SYT16: variants seen among roughly 807,000 people sequenced by gnomAD.
SYT16 encodes synaptotagmin 16.
In SYT16, 42 loss-of-function variants were observed where a neutral mutation model predicts 61.4. The observed-to-expected ratio is 0.68, with a 90% CI of 0.53 to 0.89. The LOEUF (loss-of-function observed/expected upper bound fraction) is 0.89, where lower values mean the gene tolerates loss of function less well. Ranked by LOEUF, SYT16 falls within the 40% of genes least tolerant of loss-of-function variation. SYT16 has a pLI of 0.00. For missense variants in SYT16, 804 were observed against 807.3 expected (o/e 1.00, Z 0.05); for synonymous variants, 314 against 302.3 (o/e 1.04, Z -0.40).
chr14:61,868,479 C>T (rs1393059369), intron 1 of SYT16, among the ~76,000 whole-genome samples: 2 of 151,822 alleles, frequency 1.3e-5, no homozygotes, highest in African/African-American at 4.8e-5. Context: ...ACTTTTGCTG[C>T]ATTGCATTCA....
intron 1 of SYT16, among the ~76,000 whole-genome samples, chr14:61,918,472 T>C (rs924577429): frequency 7.9e-5 from 12 of 152,096 alleles, no homozygotes; most frequent in Non-Finnish European, 2.9e-5. Flanking sequence ...TAAAGCCAAA[T>C]GTCCAGTGAT....
At chr14:61,932,685 A>G (rs1162466601) in intron 1 of SYT16, among the ~76,000 whole-genome samples, 1 of 152,206 alleles carries the variant, frequency 6.6e-6, no homozygotes, top group Non-Finnish European at 1.5e-5. Flanking sequence ...AAACCATATC[A>G]GAGTCTGAAA....
intron 1 of SYT16, among the ~76,000 whole-genome samples, chr14:61,954,387 G>A (rs772449512): frequency 6.7e-6 from 1 of 149,532 alleles, no homozygotes; most frequent in Non-Finnish European, 1.5e-5. Flanking sequence ...ACATGCTGAA[G>A]CATCTCTATT....
chr14:62,100,564 C>G lies in SYT16; in HGVS notation c.1795C>G (p.Arg599Gly), dbSNP rs777278498. Residue 599 changes from arginine to glycine, a missense_variant, in exon 8 of 8, where the codon CGT (arginine) becomes GGT (glycine). Physicochemically the swap from Arg to Gly is moderately radical, Grantham distance 125. Transcript: ENST00000683842. ...GTTGATGATTTCCGTTTATAACAGG[C>G]GTACTATGAAGCGTAAAGAGATGAT... ...VTLMISVYNR[R>G]TMKRKEMIGW... 1.2e-6 allele frequency: 2 copies of G among 1,613,610 alleles called. No individual in the cohort carries two copies. Among genetic ancestry groups the G allele is most frequent in the African/African-American group, 2.7e-5 (2 of 74,886 alleles).
intron 5 of SYT16, among the ~76,000 whole-genome samples, chr14:62,078,172 A>AACAC (rs144022896): frequency 0.011 from 1,459 of 128,816 alleles, 13 homozygotes; most frequent in African/African-American, 0.02. Flanking sequence ...TATATATATA[A>AACAC]ACACACACAC....
chr14:61,926,807 G>A (rs1204735686), intron 1 of SYT16, among the ~76,000 whole-genome samples: 1 of 152,178 alleles, frequency 6.6e-6, no homozygotes, highest in Non-Finnish European at 1.5e-5. Flanking sequence ...CACCCTGCCA[G>A]TAGAGGGTTC....
intron 1 of SYT16, among the ~76,000 whole-genome samples, chr14:61,861,156 A>G (rs1416961130): frequency 6.6e-6 from 1 of 152,070 alleles, no homozygotes; most frequent in Non-Finnish European, 1.5e-5. Context: ...ACTGGGAGGG[A>G]ATCTGAATTA....
rs529758498 is a variant in SYT16 at position 62,100,563 on chromosome 14, G to A, written c.1794G>A (p.Arg598=). The part of the protein sequence containing the change: ...DVTLMISVYN[R]RTMKRKEMIG... ...CGTTGATGATTTCCGTTTATAACAG[G>A]CGTACTATGAAGCGTAAAGAGATGA... The change falls in exon 8 of 8, where the codon AGG becomes AGA. Residue 598 remains arginine (R), a synonymous_variant. Coordinates refer to ENST00000683842, the MANE Select transcript of SYT16 (RefSeq NM_001367656.1). The A allele has an allele frequency of 1.2e-6, 2 of 1,613,808 alleles. No individual in the cohort carries two copies. Among genetic ancestry groups the A allele is most frequent in the South Asian group, 1.1e-5 (1 of 91,074 alleles).
intron 1 of SYT16, among the ~76,000 whole-genome samples, chr14:61,891,564 C>T (rs2048132499): frequency 6.6e-6 from 1 of 152,160 alleles, no homozygotes; most frequent in African/African-American, 2.4e-5. Context: ...GGACCAACAG[C>T]TGGGACCCTT....
chr14:62,052,718 G>A, intron 3 of SYT16, among the ~76,000 whole-genome samples: 1 of 152,166 alleles, frequency 6.6e-6, no homozygotes, highest in Non-Finnish European at 1.5e-5. Context: ...CCTCATGAGT[G>A]GGATTAGTGC....
At chr14:62,013,150 C>T (rs990503020) in intron 3 of SYT16, among the ~76,000 whole-genome samples, 3 of 152,014 alleles carry the variant, frequency 2.0e-5, no homozygotes, top group Non-Finnish European at 4.4e-5. Context: ...GAGGTATATC[C>T]AGAGTGGTGG....
At chr14:62,092,128 A>G (rs2057098777) in intron 7 of SYT16, among the ~76,000 whole-genome samples, 3 of 151,150 alleles carry the variant, frequency 2.0e-5, no homozygotes, top group Admixed American at 2.0e-4. Context: ...TGCAAATCAA[A>G]ACTACAGTGA....
intron 1 of SYT16, among the ~76,000 whole-genome samples, chr14:61,907,491 C>G (rs1054719099): frequency 1.3e-5 from 2 of 152,216 alleles, no homozygotes; most frequent in African/African-American, 4.8e-5. Flanking sequence ...GGCTCAGGGT[C>G]TGTCTGAGGC....
intron 1 of SYT16, among the ~76,000 whole-genome samples, chr14:61,920,274 T>C (rs1044110954): frequency 2.6e-5 from 4 of 152,222 alleles, no homozygotes; most frequent in African/African-American, 9.6e-5. Flanking sequence ...TTTATTTTAC[T>C]TTAAGTCTTG....
chr14:61,964,416 T>C (rs1260900995), intron 1 of SYT16, among the ~76,000 whole-genome samples: 1 of 152,148 alleles, frequency 6.6e-6, no homozygotes, highest in Admixed American at 6.5e-5. Context: ...ACTGCAAATG[T>C]GATGGAAATA....
Position 62,025,865 on chromosome 14 carries a change from T to G in SYT16, c.523+29323T>G, listed in dbSNP as rs889187918. Among the ~76,000 whole-genome samples the G allele has an allele frequency of 5.3e-5, 8 of 151,450 alleles. No individual in the cohort carries two copies. The South Asian group carries it at 1.7e-3, about 32-fold the overall frequency. On this transcript the variant is annotated intron_variant, in intron 3 of 7. Coordinates refer to ENST00000683842, the MANE Select transcript of SYT16 (RefSeq NM_001367656.1). ...CTTGTACTCTGCACCCTTGCCATAG[T>G]CACTTGCAAATTGTTAAAAAAAAAA...
intron 3 of SYT16, among the ~76,000 whole-genome samples, chr14:62,062,482 C>T (rs1230483777): frequency 2.6e-5 from 4 of 152,204 alleles, no homozygotes; most frequent in African/African-American, 4.8e-5. Context: ...CACACCTCCA[C>T]GTCTACGTTG....
rs568103252 is a variant in SYT16 at position 61,866,668 on chromosome 14, G to T, written c.-325+53858G>T. On this transcript the variant is annotated intron_variant, in intron 1 of 7. Coordinates refer to ENST00000683842, the MANE Select transcript of SYT16 (RefSeq NM_001367656.1). Reference sequence around the variant, plus strand: ...TCTTTAGTGTGCATACAAGTTCTTTGTCAGATATGTATTTTGCAAATACTC... The same window carrying T: ...TCTTTAGTGTGCATACAAGTTCTTTTTCAGATATGTATTTTGCAAATACTC... 5.9e-5 allele frequency among the ~76,000 whole-genome samples: 9 copies of T among 152,082 alleles called. No individual in the cohort carries two copies. In the East Asian group the frequency reaches 1.5e-3, roughly 26 times the overall value.
At chr14:61,998,428 T>C (rs1595116184) in intron 3 of SYT16, among the ~76,000 whole-genome samples, 1 of 152,016 alleles carries the variant, frequency 6.6e-6, no homozygotes, top group Admixed American at 6.6e-5. Context: ...CAGAATGTCA[T>C]ATAAATGGAT....
Sources: gnomAD v4.1 joint callset for allele counts (sites outside exome capture counted in the v4.1 genomes callset) on GRCh38, gnomAD v4.1.1 for gene constraint, MANE v1.5 for transcripts, NCBI Gene and HGNC (gene_info 2026-07-23, HGNC 2026-07-21) for gene names.